ELOVL7: variants seen among roughly 807,000 people sequenced by gnomAD.
ELOVL7 encodes very long chain fatty acid elongase 7.
In ELOVL7, 27 loss-of-function variants were observed where a neutral mutation model predicts 35.7. The ratio of observed to expected loss-of-function variants is 0.76; its 90% CI spans 0.56 to 1.04. ELOVL7 has a LOEUF of 1.04. ELOVL7 is among the 50% of genes least tolerant of loss of function. The pLI, the probability that ELOVL7 is intolerant of heterozygous loss-of-function variation, is 0.00. For missense variants in ELOVL7, 327 were observed against 340.8 expected (o/e 0.96, Z 0.32); for synonymous variants, 113 against 114.6 (o/e 0.99, Z 0.09).
At chr5:60,834,164 C>G (rs148815341) in intron 1 of ELOVL7, among the ~76,000 whole-genome samples, 1 of 151,250 alleles carries the variant, frequency 6.6e-6, no homozygotes, top group Non-Finnish European at 1.5e-5. Flanking sequence ...TTTTTTGAGA[C>G]GGAGTCTCGC....
At chr5:60,789,964 C>T (rs1291389490) in intron 2 of ELOVL7, among the ~76,000 whole-genome samples, 1 of 152,010 alleles carries the variant, frequency 6.6e-6, no homozygotes, top group African/African-American at 2.4e-5. Context: ...ACGGTGAAAC[C>T]CTGTTTCTAT....
At chr5:60,761,249 A>G (rs1405894509) in intron 7 of ELOVL7, among the ~76,000 whole-genome samples, 1 of 152,158 alleles carries the variant, frequency 6.6e-6, no homozygotes, top group Non-Finnish European at 1.5e-5. Context: ...AATTCTCCAT[A>G]TCTCTGGAAG....
At chr5:60,762,756 C>T (rs1742005038) in intron 7 of ELOVL7, among the ~76,000 whole-genome samples, 1 of 152,106 alleles carries the variant, frequency 6.6e-6, no homozygotes, top group Non-Finnish European at 1.5e-5. Flanking sequence ...AGTCAAGACG[C>T]TTAACAAAGA....
chr5:60,839,341 GA>G (rs1347138828), intron 1 of ELOVL7, among the ~76,000 whole-genome samples: 2 of 149,578 alleles, frequency 1.3e-5, no homozygotes, highest in African/African-American at 2.5e-5. Flanking sequence ...TTCCGTCTCA[GA>G]AAAAAAAAGA....
rs73759424 is a variant in ELOVL7, at chr5:60,820,330, C to A, written c.-85-21100G>T. 6.8e-3 allele frequency among the ~76,000 whole-genome samples: 1,043 copies of A among 152,302 alleles called. 14 individuals are homozygous for A. Among genetic ancestry groups the A allele is most frequent in the African/African-American group, 0.024 (997 of 41,576 alleles). On this transcript the variant is annotated intron_variant, in intron 1 of 8. Transcript: ENST00000508821. ...AGAGCAGAAAAACCAGCTGTGCCAA[C>A]CTGGAATTCTGACCTACAGAACTGT... is the stretch of plus-strand genomic sequence containing the variant.
chr5:60,794,860 T>A (rs1034163833), intron 2 of ELOVL7, among the ~76,000 whole-genome samples: 1 of 151,940 alleles, frequency 6.6e-6, no homozygotes, highest in Admixed American at 6.6e-5. Flanking sequence ...GGTACCAACA[T>A]AGGGATGGAG....
Position 60,787,377 on chromosome 5 carries a change from T to C in ELOVL7, c.21A>G (p.Thr7=), listed in dbSNP as rs958587461. The C allele has an allele frequency of 6.2e-7, 1 of 1,604,554 alleles. No homozygotes were observed. The change falls in exon 3 of 9, where the codon ACA becomes ACG. Residue 7 remains threonine, a synonymous_variant. Transcript: ENST00000508821. ...TATCATAAAGATGCACAGTCCTCGA[T>C]GTAAGATCACTGAAGGCCATTTTCC... MAFSDL[T]SRTVHLYDNW...
chr5:60,841,024 T>A (rs1270438313), intron 1 of ELOVL7, among the ~76,000 whole-genome samples: 14 of 47,718 alleles, frequency 2.9e-4, no homozygotes, highest in East Asian at 7.2e-4. Context: ...ATTACTTTCC[T>A]TTTTTTTTTT....
At chr5:60,801,117 G>C (rs1299134611) in intron 1 of ELOVL7, among the ~76,000 whole-genome samples, 3 of 151,818 alleles carry the variant, frequency 2.0e-5, no homozygotes, top group Non-Finnish European at 4.4e-5. Flanking sequence ...TGTAGAGATG[G>C]GTGTCTTACT....
intron 3 of ELOVL7, among the ~76,000 whole-genome samples, chr5:60,780,409 G>C (rs1743174958): frequency 2.0e-5 from 3 of 151,908 alleles, no homozygotes; most frequent in African/African-American, 7.3e-5. Flanking sequence ...CATGAGTCAC[G>C]GCGCCCGGCC....
At chr5:60,822,143 T>C (rs989216956) in intron 1 of ELOVL7, among the ~76,000 whole-genome samples, 9 of 152,220 alleles carry the variant, frequency 5.9e-5, no homozygotes, top group African/African-American at 1.7e-4. Context: ...TTGTGAAAGA[T>C]GTGAGACTGA....
chr5:60,754,919 TGC>T, intron 8 of ELOVL7, 86 bp from the exon 9 acceptor site: 2 of 1,066,142 alleles, frequency 1.9e-6, no homozygotes, highest in Non-Finnish European at 1.4e-6. Flanking sequence ...ACTCCCAAAG[TGC>T]AGGGAGTGCA....
In ELOVL7 at chr5:60,793,441, T is replaced by C. The variant is rs1463702119; in HGVS notation, c.-35+5739A>G. Among the ~76,000 whole-genome samples, 3 of 152,156 alleles carry C rather than the reference T, an allele frequency of 2.0e-5. No individual in the cohort carries two copies. The South Asian group carries it at 6.2e-4, about 32-fold the overall frequency. On this transcript the variant is annotated intron_variant, in intron 2 of 8. Coordinates refer to ENST00000508821, the MANE Select transcript of ELOVL7 (RefSeq NM_024930.3). ...ACCAAATATCAGGATGACATGTTGC[T>C]GCTTAAAGTAAAATCAAGTAGAGGA...
At chr5:60,798,549 GTAAAAAAA>G (rs1287860012) in intron 2 of ELOVL7, among the ~76,000 whole-genome samples, 1 of 151,998 alleles carries the variant, frequency 6.6e-6, no homozygotes, top group Non-Finnish European at 1.5e-5. Context: ...AAATAAAGCT[GTAAAAAAA>G]ATTATTTTCT....
intron 1 of ELOVL7, among the ~76,000 whole-genome samples, chr5:60,800,572 C>G (rs950375516): frequency 2.0e-5 from 3 of 152,230 alleles, no homozygotes; most frequent in Admixed American, 6.5e-5. Context: ...GATGCCCACT[C>G]TCACCACTTT....
At chr5:60,788,205 T>TAACTAAGTAAATCTAGTAAA (rs1370552956) in intron 2 of ELOVL7, among the ~76,000 whole-genome samples, 3 of 152,196 alleles carry the variant, frequency 2.0e-5, no homozygotes, top group African/African-American at 7.2e-5. Flanking sequence ...GTAACTAAAA[T>TAACTAAGTAAATCTAGTAAA]ATACCTAAGA....
intron 2 of ELOVL7, among the ~76,000 whole-genome samples, chr5:60,795,636 G>C (rs972329081): frequency 1.3e-5 from 2 of 152,192 alleles, no homozygotes; most frequent in South Asian, 4.1e-4. Flanking sequence ...GCTGAATGCC[G>C]ATGTCGGAGA....
intron 1 of ELOVL7, among the ~76,000 whole-genome samples, chr5:60,831,202 T>C (rs1186098563): frequency 2.6e-5 from 4 of 152,230 alleles, no homozygotes; most frequent in Admixed American, 2.0e-4. Context: ...ATAATAATCA[T>C]GTCCTTATAA....
Position 60,795,995 on chromosome 5 carries a change from C to T in ELOVL7, c.-35+3185G>A, listed in dbSNP as rs146311688. On this transcript the variant is annotated intron_variant, in intron 2 of 8. Transcript: ENST00000508821. ...AGCTCTAAGAACAAAGATCCATGCA[C>T]GGTAACAGTATTGTATAGACAGTCT... 2.4e-3 allele frequency among the ~76,000 whole-genome samples: 371 copies of T among 152,248 alleles called. 1 individual carries two copies. Among genetic ancestry groups the T allele is most frequent in the African/African-American group, 8.5e-3 (352 of 41,548 alleles).
Sources: gnomAD v4.1 joint callset for allele counts (sites outside exome capture counted in the v4.1 genomes callset) on GRCh38, gnomAD v4.1.1 for gene constraint, MANE v1.5 for transcripts, NCBI Gene and HGNC (gene_info 2026-07-23, HGNC 2026-07-21) for gene names.